ATXN7: variants seen among roughly 807,000 people sequenced by gnomAD.
The protein encoded by ATXN7 is ataxin-7.
A neutral mutation model predicts 70.5 loss-of-function variants in ATXN7; 12 were observed. The ratio of observed to expected loss-of-function variants is 0.17; its 90% CI spans 0.11 to 0.28. ATXN7 has a LOEUF of 0.28. Ranked by LOEUF, ATXN7 falls within the 10% of genes least tolerant of loss-of-function variation. ATXN7 has a pLI of 1.00. For missense variants in ATXN7, 1,256 were observed against 1,131.7 expected, an observed-to-expected ratio of 1.11 and a Z score of -1.58; for synonymous variants, 498 against 448.7, an observed-to-expected ratio of 1.11 and a Z score of -1.39.
At chr3:63,978,179 C>T (rs149877996) in intron 5 of ATXN7, among the ~76,000 whole-genome samples, 1 of 152,292 alleles carries the variant, frequency 6.6e-6, no homozygotes, top group Non-Finnish European at 1.5e-5. Context: ...ACACCCCAAA[C>T]GAATTAACTC....
intron 4 of ATXN7, among the ~76,000 whole-genome samples, chr3:63,932,192 T>G (rs980418243): frequency 2.0e-5 from 3 of 152,196 alleles, no homozygotes; most frequent in African/African-American, 7.2e-5. Flanking sequence ...TCAAGGTAAT[T>G]AAAAAATTTT....
rs373469732 is a variant in ATXN7, at chr3:63,890,437, T to TA, written c.-110-7959dup. 1.9e-3 allele frequency among the ~76,000 whole-genome samples: 290 copies of TA among 152,288 alleles called. 1 individual carries two copies. The highest frequency in any genetic ancestry group is 6.8e-3 in the African/African-American group (281 of 41,566). ...GAAAATATCAACTAACTACAGGACT[T>TA]AAACTGCTTAACCCATCAATGTAAC... On this transcript the variant is annotated intron_variant, in intron 1 of 12. Transcript: ENST00000674280.
chr3:63,870,128 C>T (rs560593406), intron 1 of ATXN7, among the ~76,000 whole-genome samples: 14 of 152,180 alleles, frequency 9.2e-5, no homozygotes, highest in Non-Finnish European at 2.1e-4. Context: ...GCCATGATAG[C>T]AGGAAAACAC....
chr3:63,867,636 G>C (rs1702473186), intron 1 of ATXN7, among the ~76,000 whole-genome samples: 1 of 149,924 alleles, frequency 6.7e-6, no homozygotes, highest in Non-Finnish European at 1.5e-5. Context: ...AAGGCGGGTG[G>C]ATCATTTGAG....
chr3:63,996,617 T>TA (rs752406394), intron 12 of ATXN7, 134 bp downstream of exon 12: 9,077 of 201,544 alleles, frequency 0.045, 39 homozygotes, highest in South Asian at 0.075. Flanking sequence ...GGTGTCTTCT[T>TA]AAAAAAAAAA....
chr3:63,890,251 A>G (rs1703216007), intron 1 of ATXN7, among the ~76,000 whole-genome samples: 2 of 152,326 alleles, frequency 1.3e-5, no homozygotes, highest in Admixed American at 6.5e-5. Flanking sequence ...GACATAGTGC[A>G]TATATGCCTG....
At chr3:63,992,870 G>T (rs765011024) in intron 11 of ATXN7, among the ~76,000 whole-genome samples, 1 of 152,138 alleles carries the variant, frequency 6.6e-6, no homozygotes, top group Non-Finnish European at 1.5e-5. Flanking sequence ...GAGTGCTGGC[G>T]GCCTTTTCAG....
chr3:63,985,820 C>T (rs1365213952), intron 8 of ATXN7, among the ~76,000 whole-genome samples: 1 of 152,204 alleles, frequency 6.6e-6, no homozygotes, highest in African/African-American at 2.4e-5. Flanking sequence ...TTACGTACAT[C>T]TGTGAGCACA....
chr3:63,986,633 A>G (rs912259334), intron 8 of ATXN7, among the ~76,000 whole-genome samples: 4 of 152,214 alleles, frequency 2.6e-5, no homozygotes, highest in Non-Finnish European at 5.9e-5. Context: ...AAACAAAACA[A>G]AGTTCCTGGT....
In ATXN7 at chr3:63,999,789, C is replaced by T; in HGVS notation, c.*322C>T. ...TTGTTTTTTAACTTGCAGTATATCACAGAGCCACTCTTCAAGTAGATTGGC... is the reference window on the plus strand; with the variant it reads ...TTGTTTTTTAACTTGCAGTATATCATAGAGCCACTCTTCAAGTAGATTGGC... On this transcript the variant is annotated 3_prime_UTR_variant, in exon 13 of 13. Coordinates refer to ENST00000674280, the MANE Select transcript of ATXN7 (RefSeq NM_001377405.1). 4.0e-6 allele frequency: 2 copies of T among 502,702 alleles called. No homozygotes were observed. Among genetic ancestry groups the T allele is most frequent in the South Asian group, 5.2e-5 (2 of 38,504 alleles). The allele number at this position is 502,702 out of a possible 1,614,324, so 31.1% of individuals were successfully genotyped here.
In ATXN7 at chr3:63,995,870, A is replaced by G. The variant is rs2075750190; in HGVS notation, c.2048A>G (p.Lys683Arg). The stretch of plus-strand genomic sequence containing the variant: ...AAATCCAGCAAATCTTTGAGGCCCA[A>G]GGAGTCTTCTGGTAACAGCACTAAC... ...KLKSSKSLRP[K>R]ESSGNSTNCQ... Residue 683 changes from lysine (K) to arginine (R), a missense_variant, in exon 12 of 13, where the codon AAG (lysine) becomes AGG (arginine). By Grantham distance (26) the Lys-to-Arg change is conservative (BLOSUM62 2). Transcript: ENST00000674280. 4.3e-6 allele frequency: 7 copies of G among 1,614,062 alleles called. No individual in the cohort carries two copies. The highest frequency in any genetic ancestry group is 2.7e-5 in the African/African-American group (2 of 74,930).
At chr3:63,877,499 C>G (rs1702781705) in intron 1 of ATXN7, among the ~76,000 whole-genome samples, 1 of 152,228 alleles carries the variant, frequency 6.6e-6, no homozygotes, top group African/African-American at 2.4e-5. Flanking sequence ...CCAGGTGTTG[C>G]CTTCAGGCTG....
chr3:63,946,158 G>A (rs2074855512), intron 4 of ATXN7, among the ~76,000 whole-genome samples: 1 of 152,200 alleles, frequency 6.6e-6, no homozygotes, highest in South Asian at 2.1e-4. Flanking sequence ...GACTACTGAG[G>A]TTTCCATTTG....
At chr3:63,870,391 CAT>C (rs977173192) in intron 1 of ATXN7, among the ~76,000 whole-genome samples, 4 of 152,152 alleles carry the variant, frequency 2.6e-5, no homozygotes, top group African/African-American at 4.8e-5. Flanking sequence ...CCACCCCCAA[CAT>C]GTGCACACAC....
intron 4 of ATXN7, among the ~76,000 whole-genome samples, chr3:63,915,632 A>G (rs531987647): frequency 3.3e-4 from 50 of 152,258 alleles, no homozygotes; most frequent in African/African-American, 1.1e-3. Context: ...AGAAATATGT[A>G]GATAAATTGA....
Position 64,001,156 on chromosome 3 carries a change from ATTATTC to A in ATXN7, c.*1695_*1700del, listed in dbSNP as rs1490150274. ...GCCTAATAATGTGAATTGCTACAGA[ATTATTC>A]TTATTATGTAAGAAAACAAAAACTT... On this transcript the variant is annotated 3_prime_UTR_variant, in exon 13 of 13. Transcript: ENST00000674280. 2.6e-5 allele frequency: 4 copies of A among 152,184 alleles called. No individual in the cohort carries two copies. The highest frequency in any genetic ancestry group is 2.1e-4 in the South Asian group (1 of 4,830). The allele number at this position is 152,184 out of a possible 1,614,324, so 9.4% of individuals were successfully genotyped here. A position where few individuals can be genotyped will look rare whatever the true frequency, so the allele number is the denominator to read the frequency against.
At chr3:63,918,539 T>C (rs1441505305) in intron 4 of ATXN7, among the ~76,000 whole-genome samples, 1 of 152,256 alleles carries the variant, frequency 6.6e-6, no homozygotes, top group Non-Finnish European at 1.5e-5. Context: ...GGCCCAGTCT[T>C]GCTTCACAAA....
intron 4 of ATXN7, among the ~76,000 whole-genome samples, chr3:63,920,334 G>A (rs1704458541): frequency 6.6e-6 from 1 of 152,068 alleles, no homozygotes; most frequent in South Asian, 2.1e-4. Flanking sequence ...TGTGATCTAG[G>A]TATCACCATT....
intron 1 of ATXN7, among the ~76,000 whole-genome samples, chr3:63,876,290 C>T (rs1008891726): frequency 6.6e-6 from 1 of 152,048 alleles, no homozygotes; most frequent in Non-Finnish European, 1.5e-5. Flanking sequence ...TGTTCTGGCT[C>T]ATAGCTCCTC....
Sources: allele counts gnomAD v4.1 joint callset (sites outside exome capture counted in the v4.1 genomes callset), GRCh38; gene constraint gnomAD v4.1.1; transcripts MANE v1.5; gene names NCBI Gene and HGNC (gene_info 2026-07-23, HGNC 2026-07-21).